PTH2: variants seen among roughly 807,000 people sequenced by gnomAD.
PTH2 encodes the protein parathyroid hormone 2.
A neutral mutation model predicts 6.2 loss-of-function variants in PTH2; 5 were observed. The observed-to-expected ratio is 0.80, with a 90% CI of 0.42 to 1.69. The LOEUF is 1.69. Ranked by LOEUF, PTH2 falls within the 40% of genes most tolerant of loss-of-function variation. PTH2 has a pLI of 0.02. For synonymous variants in PTH2, 67 were observed against 73.6 expected (o/e 0.91, Z 0.46); for missense variants, 156 against 142.5 (o/e 1.09, Z -0.48).
intron 1 of PTH2, 118 bp from the exon 2 acceptor site, chr19:49,422,760 C>T: frequency 1.1e-6 from 1 of 940,200 alleles, no homozygotes; most frequent in Non-Finnish European, 1.5e-6. Flanking sequence ...GGTCCGGCTC[C>T]CCCTGTCTCT....
chr19:49,422,761 C>G (rs1305926078), intron 1 of PTH2, 119 bp from the exon 2 acceptor site: 4 of 928,574 alleles, frequency 4.3e-6, no homozygotes, highest in Admixed American at 7.7e-5. Context: ...GTCCGGCTCC[C>G]CCTGTCTCTC....
Position 49,423,220 on chromosome 19 carries a change from C to T in PTH2, c.120G>A (p.Gly40=). 4 of 1,613,534 alleles carry T rather than the reference C, an allele frequency of 2.5e-6. No individual in the cohort carries two copies. Among genetic ancestry groups the T allele is most frequent in the South Asian group, 1.1e-5 (1 of 91,022 alleles). Residue 40 remains glycine, a synonymous_variant, in exon 1 of 2, where the codon GGG becomes GGA. Coordinates refer to ENST00000270631, the MANE Select transcript of PTH2 (RefSeq NM_178449.4). The stretch of plus-strand genomic sequence containing the variant: ...CTGGGACTGGCACCTACCTGAGGAC[C>T]CCGACCGGGGGCAGGGCGACTCCCG... ...TASGVALPPV[G]VLSLRPPGRA...
At chr19:49,423,088 CTCGG>C (rs1975034824) in intron 1 of PTH2, 120 bp downstream of exon 1, 1 of 1,262,676 alleles carries the variant, frequency 7.9e-7, no homozygotes, top group African/African-American at 1.5e-5. Flanking sequence ...CTCGCTGGGT[CTCGG>C]TCGCCCTCTC....
chr19:49,422,723 G>A, intron 1 of PTH2, 81 bp from the exon 2 acceptor site: 1 of 1,260,922 alleles, frequency 7.9e-7, no homozygotes, highest in Non-Finnish European at 1.0e-6. Context: ...TCGAAGCCCC[G>A]TTACTGCCCA....
intron 1 of PTH2, 150 bp downstream of exon 1, chr19:49,423,062 C>T (rs1475827527): frequency 1.0e-6 from 1 of 985,104 alleles, no homozygotes; most frequent in South Asian, 1.7e-5. Context: ...CTTCCCCCAC[C>T]CCTAGTCTCT....
chr19:49,422,740 G>T, intron 1 of PTH2, 98 bp from the exon 2 acceptor site: 1 of 1,116,786 alleles, frequency 9.0e-7, no homozygotes. Flanking sequence ...CCCAGTCCGT[G>T]GAGTGGCTCG....
In PTH2 at chr19:49,423,357, A is replaced by C. The variant is rs1361968451; in HGVS notation, c.-18T>G. On this transcript the variant is annotated 5_prime_UTR_variant, in exon 1 of 2. Coordinates refer to ENST00000270631, the MANE Select transcript of PTH2 (RefSeq NM_178449.4). ...GTCTCCATCACCTGTGGAGAACCAG[A>C]AAGGGGCTCAGTAGGGCTGCATCCC... 2 of 1,567,278 alleles carry C rather than the reference A, an allele frequency of 1.3e-6. No individual in the cohort carries two copies. Among genetic ancestry groups the C allele is most frequent in the Non-Finnish European group, 1.7e-6 (2 of 1,156,890 alleles).
Position 49,422,577 on chromosome 19 carries a change from A to C in PTH2, c.194T>G (p.Leu65Arg). 6.3e-7 allele frequency: 1 copy of C among 1,581,088 alleles called. No individual in the cohort carries two copies. Among genetic ancestry groups the C allele is most frequent in the Non-Finnish European group, 8.6e-7 (1 of 1,167,050 alleles). Residue 65 changes from leucine (L) to arginine (R), a missense_variant, in exon 2 of 2, where the codon CTG becomes CGG. By Grantham distance (102) the Leu-to-Arg change is moderately radical (BLOSUM62 -2). Coordinates refer to ENST00000270631, the MANE Select transcript of PTH2 (RefSeq NM_178449.4). ...ATPRPRRSLA[L>R]ADDAAFRERA... ...CTCCCGGAAGGCCGCGTCGTCCGCC[A>C]GCGCCAGGCTCCTCCGCGGCCTGGG... is the stretch of plus-strand genomic sequence containing the variant.
rs746747150 is a variant in PTH2, at chr19:49,423,231, G to A, written c.109C>T (p.Pro37Ser). The A allele has an allele frequency of 5.0e-6, 8 of 1,613,558 alleles. No homozygotes were observed. In the South Asian group the frequency reaches 5.5e-5, roughly 11 times the overall value. Reference protein sequence around the residue: ...GVRTASGVALPPVGVLSLRPP... With the variant: ...GVRTASGVALSPVGVLSLRPP... Reference sequence around the variant, plus strand: ...ACCTACCTGAGGACCCCGACCGGGGGCAGGGCGACTCCCGAGGCAGTGCGG... The same window carrying A: ...ACCTACCTGAGGACCCCGACCGGGGACAGGGCGACTCCCGAGGCAGTGCGG... Residue 37 changes from proline (P) to serine (S), a missense_variant, in exon 1 of 2, where the codon CCC becomes TCC. By Grantham distance (74) the Pro-to-Ser change is moderately conservative. Transcript: ENST00000270631.
rs887366201 is a variant in PTH2 at position 49,422,771 on chromosome 19, C to G, written c.129-129G>C. 3.5e-6 allele frequency: 3 copies of G among 863,898 alleles called. No homozygotes were observed. In the African/African-American group the frequency reaches 5.4e-5, roughly 16 times the overall value. The allele number at this position is 863,898 out of a possible 1,614,324, so 53.5% of individuals were successfully genotyped here. A position where few individuals can be genotyped will look rare whatever the true frequency, so the allele number is the denominator to read the frequency against. Reference sequence around the variant, plus strand: ...GCTCGGTCCGGCTCCCCCTGTCTCTCTCGTTCTCTGTGTGGGTCTCTGTCT... The same window carrying G: ...GCTCGGTCCGGCTCCCCCTGTCTCTGTCGTTCTCTGTGTGGGTCTCTGTCT... On this transcript the variant is annotated intron_variant, in intron 1 of 1. Transcript: ENST00000270631.
At chr19:49,423,144 C>G in intron 1 of PTH2, 68 bp downstream of exon 1, 1 of 1,561,132 alleles carries the variant, frequency 6.4e-7, no homozygotes, top group Non-Finnish European at 8.7e-7. Flanking sequence ...CGTCCCCTTT[C>G]TCTTTGGTTC....
In PTH2 at chr19:49,422,625, C is replaced by G. The variant is rs963765890; in HGVS notation, c.146G>C (p.Arg49Pro). ...VGVLSLRPPG[R>P]AWADPATPRP... is the part of the protein sequence containing the mutation. ...GGGGGTGGCGGGATCCGCCCAGGCC[C>G]GTCCTGGGGGGCGGAGGCTGTGGAG... Residue 49 changes from arginine to proline, a missense_variant, in exon 2 of 2, where the codon CGG becomes CCG. Physicochemically the swap from Arg to Pro is moderately radical, Grantham distance 103. Transcript: ENST00000270631. The G allele has an allele frequency of 4.2e-6, 6 of 1,428,102 alleles. No individual in the cohort carries two copies. The South Asian group carries it at 4.6e-5, about 11-fold the overall frequency. 88.5% of individuals were successfully genotyped at this position (1,428,102 alleles called of 1,614,324 possible).
At position 49,423,438 on chromosome 19, in the gene PTH2, C is replaced by G. The variant is rs1975040722; in HGVS notation, c.-99G>C. ...CACCCCCAGCTTCCCGCACAGTCCC[C>G]TACCGTGCAGTGGGCTGGGGCAGCG... On this transcript the variant is annotated 5_prime_UTR_variant, in exon 1 of 2. Coordinates refer to ENST00000270631, the MANE Select transcript of PTH2 (RefSeq NM_178449.4). The G allele has an allele frequency of 1.4e-6, 2 of 1,438,772 alleles. No homozygotes were observed. Among genetic ancestry groups the G allele is most frequent in the African/African-American group, 2.8e-5 (2 of 70,618 alleles). The allele number at this position is 1,438,772 out of a possible 1,614,324, so 89.1% of individuals were successfully genotyped here. A position where few individuals can be genotyped will look rare whatever the true frequency, so the allele number is the denominator to read the frequency against.
In PTH2 at chr19:49,423,223, G is replaced by A. The variant is rs912900412; in HGVS notation, c.117C>T (p.Val39=). The part of the protein sequence containing the change: ...RTASGVALPP[V]GVLSLRPPGR... ...GGACTGGCACCTACCTGAGGACCCC[G>A]ACCGGGGGCAGGGCGACTCCCGAGG... The change falls in exon 1 of 2, where the codon GTC becomes GTT. Residue 39 remains valine, a synonymous_variant. Transcript: ENST00000270631. 1 of 1,613,450 alleles carries A rather than the reference G, an allele frequency of 6.2e-7. No homozygotes were observed. The highest frequency in any genetic ancestry group is 8.5e-7 in the Non-Finnish European group (1 of 1,179,662).
chr19:49,423,108 G>C (rs1196018452), intron 1 of PTH2, 104 bp downstream of exon 1: 2 of 1,442,678 alleles, frequency 1.4e-6, no homozygotes, highest in African/African-American at 2.9e-5. Flanking sequence ...CTCTCTTTGG[G>C]CTTCTGTTCC....
rs1160485970 is a variant in PTH2 at position 49,423,306 on chromosome 19, C to T, written c.34G>A (p.Val12Ile). 6.2e-7 allele frequency: 1 copy of T among 1,608,996 alleles called. No homozygotes were observed. Among genetic ancestry groups the T allele is most frequent in the East Asian group, 2.2e-5 (1 of 44,758 alleles). Reference sequence around the variant, plus strand: ...AGCAGCAGCAGCAGCAGCAGCCGAACCCGAGGGCTCCTGGACACCTGGCGG... The same window carrying T: ...AGCAGCAGCAGCAGCAGCAGCCGAATCCGAGGGCTCCTGGACACCTGGCGG... ...ETRQVSRSPRVRLLLLLLLLL... is the reference protein window; with the variant it reads ...ETRQVSRSPRIRLLLLLLLLL... Residue 12 changes from valine (V) to isoleucine (I), a missense_variant, in exon 1 of 2, where the codon GTT becomes ATT. By Grantham distance (29) the Val-to-Ile change is conservative. Transcript: ENST00000270631.
In PTH2 at chr19:49,422,798, T is replaced by C. The variant is rs976448864; in HGVS notation, c.129-156A>G. Among the ~76,000 whole-genome samples the C allele has an allele frequency of 3.9e-5, 6 of 152,138 alleles. No individual in the cohort carries two copies. The East Asian group carries it at 1.2e-3, about 29-fold the overall frequency. On this transcript the variant is annotated intron_variant, in intron 1 of 1. Transcript: ENST00000270631. ...CGTTCTCTGTGTGGGTCTCTGTCTC[T>C]CTGCTCACCAGGTTCGAAACTCCCC...
Position 49,422,422 on chromosome 19 carries a change from G to A in PTH2, c.*46C>T, listed in dbSNP as rs768666533. 4 of 1,563,060 alleles carry A rather than the reference G, an allele frequency of 2.6e-6. No homozygotes were observed. Among genetic ancestry groups the A allele is most frequent in the East Asian group, 2.5e-5 (1 of 39,936 alleles). ...GTCGCGCAGGAACTAGGCGCAGTCC[G>A]GAGCGCAGGGCATGGTCTTTATTAA... is the stretch of plus-strand genomic sequence containing the variant. On this transcript the variant is annotated 3_prime_UTR_variant, in exon 2 of 2. Transcript: ENST00000270631.
Position 49,423,422 on chromosome 19 carries a change from C to T in PTH2, c.-83G>A, listed in dbSNP as rs578010891. ...GGCCCCACCATGCATCCACCCCCAG[C>T]TTCCCGCACAGTCCCCTACCGTGCA... On this transcript the variant is annotated 5_prime_UTR_variant, in exon 1 of 2. Transcript: ENST00000270631. 1.1e-4 allele frequency: 162 copies of T among 1,498,986 alleles called. 1 individual carries two copies. In the African/African-American group the frequency reaches 2.0e-3, roughly 19 times the overall value. 92.9% of individuals were successfully genotyped at this position (1,498,986 alleles called of 1,614,324 possible).
Sources: gnomAD v4.1 joint callset for allele counts (sites outside exome capture counted in the v4.1 genomes callset) on GRCh38, gnomAD v4.1.1 for gene constraint, MANE v1.5 for transcripts, NCBI Gene and HGNC (gene_info 2026-07-23, HGNC 2026-07-21) for gene names.